The following EOGT variants were observed in gnomAD, a reference collection of about 807,000 sequenced individuals.
The protein encoded by EOGT is EGF domain-specific O-linked N-acetylglucosamine transferase.
EOGT carries 55 observed loss-of-function variants against 70.5 expected under a neutral mutation model. The ratio of observed to expected loss-of-function variants is 0.78; its 90% CI spans 0.63 to 0.98. EOGT has a LOEUF of 0.98. Ranked by LOEUF, EOGT falls within the 50% of genes least tolerant of loss-of-function variation. EOGT has a pLI of 0.00. For synonymous variants in EOGT, 246 were observed against 217.1 expected, an observed-to-expected ratio of 1.13 and a Z score of -1.17; for missense variants, 703 against 641.9, an observed-to-expected ratio of 1.10 and a Z score of -1.03.
In EOGT at chr3:68,980,428, T is replaced by C. The variant is rs146697097; in HGVS notation, c.1215-641A>G. Among the ~76,000 whole-genome samples, 352 of 152,306 alleles carry C rather than the reference T, an allele frequency of 2.3e-3. 1 individual carries two copies. Among genetic ancestry groups the C allele is most frequent in the African/African-American group, 8.2e-3 (341 of 41,570 alleles). On this transcript the variant is annotated intron_variant, in intron 15 of 17. Coordinates refer to ENST00000383701, the MANE Select transcript of EOGT (RefSeq NM_001278689.2). ...ATGTTAGGACTGTACAAGTGTTCTCTAAATCCAAGACACTAACCAGTGTGT... is the reference window on the plus strand; with the variant it reads ...ATGTTAGGACTGTACAAGTGTTCTCCAAATCCAAGACACTAACCAGTGTGT...
At chr3:68,988,745 G>C (rs1187121492) in intron 11 of EOGT, 168 bp from the exon 12 acceptor site, 65 of 650,646 alleles carry the variant, frequency 1.0e-4, no homozygotes, top group Admixed American at 2.0e-4. Context: ...AAAGATTATA[G>C]AAAAAACTTT....
intron 10 of EOGT, among the ~76,000 whole-genome samples, chr3:68,996,906 T>C (rs2091165161): frequency 6.6e-6 from 1 of 152,234 alleles, no homozygotes. Context: ...ATTCTCCTTA[T>C]TGTAATTGTC....
At position 68,978,353 on chromosome 3, in the gene EOGT, T is replaced by A; in HGVS notation, c.1417A>T (p.Lys473Ter). The A allele has an allele frequency of 1.2e-6, 2 of 1,612,442 alleles. No homozygotes were observed. Among genetic ancestry groups the A allele is most frequent in the Non-Finnish European group, 1.7e-6 (2 of 1,179,476 alleles). The change falls in exon 17 of 18, where the codon AAA (lysine) becomes TAA (stop). Residue 473 changes from lysine to a stop codon, truncating the protein, a stop_gained. Transcript: ENST00000383701. LOFTEE classifies it high-confidence loss of function. ...VHYITWRRQNKVFPQDKGHHP... is the reference protein window; with the variant it reads ...VHYITWRRQN ...TTTACCTTATCCTGAGGAAAGACTT[T>A]GTTCTGCCGTCGCCAAGTGATGTAG...
rs562837999 is a variant in EOGT at position 68,994,271 on chromosome 3, G to A, written c.831+3740C>T. 1.1e-4 allele frequency among the ~76,000 whole-genome samples: 17 copies of A among 152,244 alleles called. No homozygotes were observed. In the South Asian group the frequency reaches 2.7e-3, roughly 24 times the overall value. Reference sequence around the variant, plus strand: ...AGGCAGGAAGATCACCTGAGCCCAGGAGAGCAAGGCTGCAGTGAGCTAGGA... The same window carrying A: ...AGGCAGGAAGATCACCTGAGCCCAGAAGAGCAAGGCTGCAGTGAGCTAGGA... On this transcript the variant is annotated intron_variant, in intron 10 of 17. Transcript: ENST00000383701.
At chr3:68,999,820 G>T (rs1190994667) in intron 9 of EOGT, among the ~76,000 whole-genome samples, 3 of 152,162 alleles carry the variant, frequency 2.0e-5, no homozygotes, top group Non-Finnish European at 4.4e-5. Flanking sequence ...GGGGTTGCAA[G>T]AATTTATAAA....
At chr3:68,984,253 A>G (rs1395516042) in intron 14 of EOGT, among the ~76,000 whole-genome samples, 5 of 152,056 alleles carry the variant, frequency 3.3e-5, no homozygotes, top group African/African-American at 1.2e-4. Flanking sequence ...GCACACAGTC[A>G]TAACATGGAA....
chr3:69,004,355 C>T, intron 8 of EOGT, 23 bp downstream of exon 8: 1 of 1,561,630 alleles, frequency 6.4e-7, no homozygotes, highest in Non-Finnish European at 8.8e-7. Flanking sequence ...ATTTCCGAAA[C>T]AGATACGTTA....
At chr3:68,986,287 T>G (rs900570200) in intron 14 of EOGT, among the ~76,000 whole-genome samples, 1 of 152,208 alleles carries the variant, frequency 6.6e-6, no homozygotes, top group Non-Finnish European at 1.5e-5. Flanking sequence ...CTATGCCATG[T>G]AACCTAACCT....
chr3:68,990,730 G>A lies in EOGT; in HGVS notation c.832-1713C>T, dbSNP rs369526822. On this transcript the variant is annotated intron_variant, in intron 10 of 17. Coordinates refer to ENST00000383701, the MANE Select transcript of EOGT (RefSeq NM_001278689.2). ...ATTTTTAAATGGTTTCACTTAGATT[G>A]AAAAATTCAGCCAATAGAAATCAGA... is the stretch of plus-strand genomic sequence containing the variant. Among the ~76,000 whole-genome samples, 3 of 152,234 alleles carry A rather than the reference G, an allele frequency of 2.0e-5. No homozygotes were observed. The East Asian group carries it at 5.8e-4, about 29-fold the overall frequency.
chr3:68,993,604 C>A (rs1270881258), intron 10 of EOGT, among the ~76,000 whole-genome samples: 5 of 152,198 alleles, frequency 3.3e-5, no homozygotes, highest in African/African-American at 1.2e-4. Context: ...CTGCTTGCTA[C>A]CCAGTTCCAA....
intron 5 of EOGT, 151 bp downstream of exon 5, chr3:69,008,277 T>A (rs1014925908): frequency 1.6e-6 from 1 of 641,538 alleles, no homozygotes; most frequent in Non-Finnish European, 2.8e-6. Flanking sequence ...CAGTATGAAA[T>A]AGTCAAGTTG....
At chr3:69,011,212 C>T (rs561577984) in intron 3 of EOGT, among the ~76,000 whole-genome samples, 160 of 4,014 alleles carry the variant, frequency 0.04, no homozygotes, top group African/African-American at 0.067. Flanking sequence ...TTTTTAAGTG[C>T]TCTTTCCACT....
chr3:69,012,878 A>G (rs2091610884), intron 1 of EOGT, 79 bp from the exon 2 acceptor site: 1 of 147,464 alleles, frequency 6.8e-6, no homozygotes, highest in African/African-American at 2.5e-5. Context: ...CAGCGGGCGA[A>G]ATGGGGCAAT....
Position 69,007,713 on chromosome 3 carries a change from C to T in EOGT, c.420G>A (p.Thr140=), listed in dbSNP as rs748425624. The T allele has an allele frequency of 1.3e-6, 2 of 1,581,732 alleles. No homozygotes were observed. The highest frequency in any genetic ancestry group is 1.7e-6 in the Non-Finnish European group (2 of 1,161,090). ...ATTTAGTAAGGAGCAAAATACCCAC[C>T]GTTTCCTTAGGCTGACAGAGCACAT... ...EMHVLCQPKE[T]SDSSLVCSRY... Residue 140 remains threonine (T), a splice_region_variant and synonymous_variant, in exon 6 of 18, where the codon ACG becomes ACA. Transcript: ENST00000383701.
intron 3 of EOGT, among the ~76,000 whole-genome samples, chr3:69,011,610 A>AAAC (rs2091580583): frequency 7.4e-6 from 1 of 135,430 alleles, no homozygotes; most frequent in African/African-American, 2.8e-5. Flanking sequence ...AAAAAAAAAA[A>AAAC]CAAAGAAAGA....
At chr3:69,010,272 C>T (rs1461743202) in intron 3 of EOGT, among the ~76,000 whole-genome samples, 1 of 152,170 alleles carries the variant, frequency 6.6e-6, no homozygotes, top group Non-Finnish European at 1.5e-5. Context: ...ATCTCTGTGG[C>T]AACTACACAA....
intron 15 of EOGT, among the ~76,000 whole-genome samples, chr3:68,980,073 A>T (rs1036858812): frequency 6.6e-6 from 1 of 152,240 alleles, no homozygotes; most frequent in Non-Finnish European, 1.5e-5. Context: ...GCAGTGACAT[A>T]TGACATCAAC....
rs1450351816 is a variant in EOGT, at chr3:68,988,333, C to T, written c.1045G>A (p.Val349Ile). Residue 349 changes from valine (V) to isoleucine (I), a missense_variant, in exon 13 of 18, where the codon GTA (valine) becomes ATA (isoleucine). Transcript: ENST00000383701. The stretch of plus-strand genomic sequence containing the variant: ...TGTGTGATGTTTAGTCTGTGTAGTA[C>T]ATGCTGGGCAAATGCCCTGAATAGT... ...TGLFRAFAQH[V>I]LHRLNITQEG... 6.5e-7 allele frequency: 1 copy of T among 1,536,098 alleles called. No homozygotes were observed. The highest frequency in any genetic ancestry group is 2.4e-5 in the East Asian group (1 of 40,916).
At chr3:68,987,594 T>A (rs560995851) in intron 13 of EOGT, 81 bp from the exon 14 acceptor site, 1 of 1,057,320 alleles carries the variant, frequency 9.5e-7, no homozygotes, top group South Asian at 1.4e-5. Context: ...AATGTGATTT[T>A]CACAAAGAGA....
Sources: gnomAD v4.1 joint callset for allele counts (sites outside exome capture counted in the v4.1 genomes callset) on GRCh38, gnomAD v4.1.1 for gene constraint, MANE v1.5 for transcripts, NCBI Gene and HGNC (gene_info 2026-07-23, HGNC 2026-07-21) for gene names.